ST18: variants seen among roughly 807,000 people sequenced by gnomAD.
ST18 encodes ST18 C2H2C-type zinc finger transcription factor, also known as suppression of tumorigenicity 18 protein.
Under a neutral mutation model 110.0 loss-of-function variants are expected in ST18, and 50 were observed. The ratio of observed to expected loss-of-function variants is 0.45; its 90% CI spans 0.36 to 0.58. The LOEUF is 0.58. Among genes scored for constraint, ST18 ranks in the 20% least tolerant of loss-of-function variants. The pLI, the probability that ST18 is intolerant of heterozygous loss-of-function variation, is 0.00. For missense variants in ST18, 1,306 were observed against 1,280.1 expected (o/e 1.02, Z -0.31); for synonymous variants, 461 against 452.4 (o/e 1.02, Z -0.24).
chr8:52,314,428 C>T (rs555124479), intron 2 of ST18, among the ~76,000 whole-genome samples: 48 of 152,332 alleles, frequency 3.2e-4, no homozygotes, highest in Admixed American at 1.8e-3. Context: ...AGGTGTCTCA[C>T]TGCCTCTGTT....
intron 2 of ST18, among the ~76,000 whole-genome samples, chr8:52,276,319 C>G (rs2095263714): frequency 6.7e-6 from 1 of 149,282 alleles, no homozygotes; most frequent in African/African-American, 2.5e-5. Flanking sequence ...CTCACACAAA[C>G]ACACCGCACC....
intron 8 of ST18, chr8:52,206,757 T>C (rs1389018867): frequency 6.6e-6 from 1 of 152,248 alleles, no homozygotes; most frequent in Non-Finnish European, 1.5e-5. Context: ...TGGCCTAGTA[T>C]TGAAAAAGAT....
At chr8:52,224,546 G>A (rs932443927) in intron 3 of ST18, among the ~76,000 whole-genome samples, 3 of 152,134 alleles carry the variant, frequency 2.0e-5, no homozygotes, top group African/African-American at 7.2e-5. Flanking sequence ...TTTACCACCA[G>A]CCCATAATTA....
chr8:52,211,395 T>A (rs1389372683), intron 8 of ST18, among the ~76,000 whole-genome samples: 1 of 146,988 alleles, frequency 6.8e-6, no homozygotes, highest in African/African-American at 2.5e-5. Context: ...TTATTATTAT[T>A]ATTATTATTA....
At chr8:52,388,625 G>A (rs1396456947) in intron 2 of ST18, among the ~76,000 whole-genome samples, 1 of 151,922 alleles carries the variant, frequency 6.6e-6, no homozygotes, top group Non-Finnish European at 1.5e-5. Context: ...ATGGCGTAAC[G>A]GTCAGCAGGA....
intron 2 of ST18, among the ~76,000 whole-genome samples, chr8:52,262,462 A>G (rs2094725089): frequency 6.6e-6 from 1 of 152,212 alleles, no homozygotes; most frequent in Non-Finnish European, 1.5e-5. Flanking sequence ...TACCGACTTC[A>G]CAGGACGACC....
At chr8:52,198,736 G>A (rs369224653) in intron 8 of ST18, among the ~76,000 whole-genome samples, 19 of 152,142 alleles carry the variant, frequency 1.2e-4, no homozygotes, top group East Asian at 1.2e-3. Flanking sequence ...AAATGTTTCC[G>A]CAGCCAAGTG....
At chr8:52,371,369 A>T (rs1390786241) in intron 2 of ST18, among the ~76,000 whole-genome samples, 2 of 152,216 alleles carry the variant, frequency 1.3e-5, no homozygotes, top group Non-Finnish European at 2.9e-5. Flanking sequence ...GTTTTTGCAA[A>T]CCAATCATTT....
chr8:52,115,768 A>G (rs2042304689), intron 25 of ST18, among the ~76,000 whole-genome samples: 1 of 152,218 alleles, frequency 6.6e-6, no homozygotes, highest in Admixed American at 6.5e-5. Flanking sequence ...TAGATTTTGA[A>G]AATGAGGATT....
chr8:52,136,940 CAG>C (rs1417464149), intron 18 of ST18, among the ~76,000 whole-genome samples: 1 of 152,194 alleles, frequency 6.6e-6, no homozygotes, highest in Non-Finnish European at 1.5e-5. Flanking sequence ...CACCCACACA[CAG>C]AGTCCATTCC....
intron 15 of ST18, among the ~76,000 whole-genome samples, chr8:52,156,351 A>G (rs2060012204): frequency 2.6e-5 from 4 of 152,354 alleles, no homozygotes; most frequent in South Asian, 2.1e-4. Context: ...GAAGCTGTAC[A>G]TTTCAAGACG....
chr8:52,237,459 A>G (rs12550804), intron 2 of ST18, among the ~76,000 whole-genome samples: 5,413 of 152,286 alleles, frequency 0.036, 136 homozygotes, highest in Admixed American at 0.09. Context: ...AATTATTTCC[A>G]TCTTTCAAGT....
Position 52,386,471 on chromosome 8 carries a change from T to TA in ST18, c.-465+22856dup, listed in dbSNP as rs541880234. Among the ~76,000 whole-genome samples the TA allele has an allele frequency of 7.2e-3, 1,035 of 143,494 alleles. 5 individuals are homozygous for TA. Among genetic ancestry groups the TA allele is most frequent in the African/African-American group, 8.8e-3 (347 of 39,420 alleles). The allele number at this position is 143,494 out of a possible 152,430, so 94.1% of individuals were successfully genotyped here. On this transcript the variant is annotated intron_variant, in intron 2 of 25. Transcript: ENST00000689386. ...AAAAGGCAGTCTTGTTTTTTTTTCT[T>TA]AAAAAAAAAAAAGAATGCAATCAAT...
intron 2 of ST18, among the ~76,000 whole-genome samples, chr8:52,353,110 G>T (rs1409422384): frequency 1.3e-5 from 2 of 152,178 alleles, no homozygotes; most frequent in Non-Finnish European, 2.9e-5. Context: ...ATATCAAAGG[G>T]AGTAAGATGT....
At chr8:52,382,512 T>C (rs1834942849) in intron 2 of ST18, among the ~76,000 whole-genome samples, 3 of 152,260 alleles carry the variant, frequency 2.0e-5, no homozygotes, top group Admixed American at 6.5e-5. Flanking sequence ...TTGTAGTGTT[T>C]CAAGGCATTT....
At chr8:52,169,624 T>C (rs79327389) in intron 10 of ST18, among the ~76,000 whole-genome samples, 16,181 of 152,146 alleles carry the variant, frequency 0.11, 1,164 homozygotes, top group Middle Eastern at 0.2. Context: ...TCAGTTGGGA[T>C]AAGCATTGAC....
chr8:52,242,740 C>A (rs150594611), intron 2 of ST18, among the ~76,000 whole-genome samples: 2 of 152,040 alleles, frequency 1.3e-5, no homozygotes, highest in African/African-American at 4.8e-5. Flanking sequence ...TGGTGGCAGG[C>A]ACCTGTAATC....
At chr8:52,317,072 T>G (rs2096043621) in intron 2 of ST18, among the ~76,000 whole-genome samples, 1 of 152,236 alleles carries the variant, frequency 6.6e-6, no homozygotes, top group Non-Finnish European at 1.5e-5. Context: ...GCGAGCTTTG[T>G]TAGTATTTTG....
intron 10 of ST18, among the ~76,000 whole-genome samples, chr8:52,167,954 C>T (rs1025940168): frequency 6.6e-6 from 1 of 151,858 alleles, no homozygotes; most frequent in Non-Finnish European, 1.5e-5. Context: ...TAAATGAGGA[C>T]CAAACATGAA....
Sources: allele counts gnomAD v4.1 joint callset (sites outside exome capture counted in the v4.1 genomes callset), GRCh38; gene constraint gnomAD v4.1.1; transcripts MANE v1.5; gene names NCBI Gene and HGNC (gene_info 2026-07-23, HGNC 2026-07-21).